Variants in GALNTL6 observed in about 807,000 individuals in gnomAD.
GALNTL6 encodes the protein polypeptide N-acetylgalactosaminyltransferase like 6, also known as polypeptide N-acetylgalactosaminyltransferase-like 6.
A neutral mutation model predicts 73.7 loss-of-function variants in GALNTL6; 46 were observed. The ratio of observed to expected loss-of-function variants is 0.62; its 90% confidence interval spans 0.49 to 0.80. The LOEUF (loss-of-function observed/expected upper bound fraction) is 0.80. Ranked by LOEUF, GALNTL6 falls within the 30% of genes least tolerant of loss-of-function variation. GALNTL6 has a pLI of 0.00. For missense variants in GALNTL6, 604 were observed against 755.0 expected (o/e 0.80, Z 2.34); for synonymous variants, 259 against 263.7 (o/e 0.98, Z 0.17).
intron 5 of GALNTL6, among the ~76,000 whole-genome samples, chr4:172,430,147 A>G (rs1731387368): frequency 6.6e-6 from 1 of 152,052 alleles, no homozygotes; most frequent in Non-Finnish European, 1.5e-5. Flanking sequence ...AGTTGACCAT[A>G]AAAGTTATCA....
intron 5 of GALNTL6, among the ~76,000 whole-genome samples, chr4:172,500,434 A>T (rs1734221013): frequency 6.6e-6 from 1 of 152,106 alleles, no homozygotes; most frequent in Admixed American, 6.5e-5. Flanking sequence ...GCAAAACAAA[A>T]CCTCTGAAAA....
At chr4:172,574,248 G>C (rs1252062761) in intron 5 of GALNTL6, among the ~76,000 whole-genome samples, 3 of 152,058 alleles carry the variant, frequency 2.0e-5, no homozygotes, top group Non-Finnish European at 4.4e-5. Context: ...CAGTCTTGTA[G>C]TGTTTAAATT....
At chr4:172,961,421 G>GC (rs552629499) in intron 10 of GALNTL6, among the ~76,000 whole-genome samples, 202 of 152,030 alleles carry the variant, frequency 1.3e-3, no homozygotes, top group African/African-American at 4.2e-3. Context: ...GGGGGTTCTT[G>GC]CCCCCCCAGA....
At chr4:171,937,495 G>A (rs1351879660) in intron 2 of GALNTL6, among the ~76,000 whole-genome samples, 2 of 152,026 alleles carry the variant, frequency 1.3e-5, no homozygotes, top group Non-Finnish European at 2.9e-5. Context: ...TTTTTTGTAT[G>A]CACATGTGAT....
intron 7 of GALNTL6, among the ~76,000 whole-genome samples, chr4:172,815,764 G>A (rs1041685307): frequency 6.6e-6 from 1 of 152,140 alleles, no homozygotes; most frequent in African/African-American, 2.4e-5. Context: ...TGTCCCCTAC[G>A]TAGGTGGTTG....
intron 5 of GALNTL6, among the ~76,000 whole-genome samples, chr4:172,550,483 C>T (rs1275643663): frequency 2.6e-5 from 4 of 152,104 alleles, no homozygotes; most frequent in Admixed American, 6.6e-5. Flanking sequence ...ATAGTCAGTG[C>T]CTGGTTATGT....
chr4:172,738,042 G>C (rs1375567150), intron 5 of GALNTL6, among the ~76,000 whole-genome samples: 1 of 152,170 alleles, frequency 6.6e-6, no homozygotes, highest in Non-Finnish European at 1.5e-5. Context: ...TGGTAGTCCT[G>C]CCTACTTTGT....
intron 7 of GALNTL6, among the ~76,000 whole-genome samples, chr4:172,833,293 T>G (rs1334734329): frequency 1.9e-5 from 2 of 105,182 alleles, no homozygotes; most frequent in East Asian, 4.4e-4. Context: ...ATGTTGATAG[T>G]TTGTAGAAAA....
intron 5 of GALNTL6, among the ~76,000 whole-genome samples, chr4:172,497,859 C>T (rs1734118083): frequency 1.3e-5 from 2 of 152,026 alleles, no homozygotes; most frequent in Admixed American, 6.6e-5. Context: ...GACATAGGTT[C>T]TAGTGGTAAA....
intron 5 of GALNTL6, among the ~76,000 whole-genome samples, chr4:172,673,881 TC>T (rs1732132185): frequency 6.6e-6 from 1 of 152,208 alleles, no homozygotes; most frequent in Admixed American, 6.5e-5. Flanking sequence ...GTGAGGTGGG[TC>T]TCTTGAAGAC....
intron 5 of GALNTL6, among the ~76,000 whole-genome samples, chr4:172,492,875 A>G (rs1166321154): frequency 1.3e-5 from 2 of 152,178 alleles, no homozygotes; most frequent in African/African-American, 4.8e-5. Context: ...CCAGTGTCTG[A>G]AATCCAGCAT....
At chr4:172,747,751 A>C (rs1737189072) in intron 5 of GALNTL6, among the ~76,000 whole-genome samples, 2 of 151,990 alleles carry the variant, frequency 1.3e-5, no homozygotes, top group South Asian at 4.2e-4. Context: ...CATAGCTAAG[A>C]TATGGAAAAA....
intron 5 of GALNTL6, among the ~76,000 whole-genome samples, chr4:172,479,478 C>A (rs1020738718): frequency 1.3e-5 from 2 of 152,180 alleles, no homozygotes; most frequent in East Asian, 3.9e-4. Flanking sequence ...AGAATGTTCT[C>A]ACTTGCAAAC....
chr4:172,713,267 T>TGTGTGTGTGTGTG (rs1553976791), intron 5 of GALNTL6, among the ~76,000 whole-genome samples: 4 of 145,082 alleles, frequency 2.8e-5, no homozygotes, highest in Admixed American at 6.9e-5. Flanking sequence ...TGTGTGTGTG[T>TGTGTGTGTGTGTG]TTAGAGAGAA....
intron 8 of GALNTL6, among the ~76,000 whole-genome samples, chr4:172,924,466 G>A (rs1034737693): frequency 2.0e-5 from 3 of 152,182 alleles, no homozygotes; most frequent in Non-Finnish European, 4.4e-5. Context: ...TTCACTTAAC[G>A]AAGTATATGA....
chr4:172,213,475 T>A (rs569569555), intron 2 of GALNTL6, among the ~76,000 whole-genome samples: 1 of 152,298 alleles, frequency 6.6e-6, no homozygotes, highest in South Asian at 2.1e-4. Flanking sequence ...TGTGTACTAG[T>A]TTTTTATTAA....
intron 5 of GALNTL6, among the ~76,000 whole-genome samples, chr4:172,529,863 T>TTTTATTTTTTTTATTTA (rs1554032972): frequency 7.2e-6 from 1 of 138,658 alleles, no homozygotes; most frequent in African/African-American, 2.7e-5. Context: ...TTTATTTTTA[T>TTTTATTTTTTTTATTTA]TTTATTTATT....
intron 5 of GALNTL6, among the ~76,000 whole-genome samples, chr4:172,518,677 C>T (rs576084708): frequency 7.2e-5 from 11 of 151,858 alleles, no homozygotes; most frequent in South Asian, 4.2e-4. Context: ...ACTTCTTAAT[C>T]GATAACATTT....
intron 4 of GALNTL6, among the ~76,000 whole-genome samples, chr4:172,313,164 C>T (rs1442532576): frequency 5.2e-5 from 7 of 134,584 alleles, no homozygotes; most frequent in Non-Finnish European, 7.7e-5. Flanking sequence ...CTCCCACTGT[C>T]GCCCAGGCTG....
Sources: allele counts gnomAD v4.1 joint callset (sites outside exome capture counted in the v4.1 genomes callset), GRCh38; gene constraint gnomAD v4.1.1; transcripts MANE v1.5; gene names NCBI Gene and HGNC (gene_info 2026-07-23, HGNC 2026-07-21).